Variants in ACTN1 observed in about 807,000 individuals in gnomAD.
ACTN1 encodes the protein actinin alpha 1, also known as alpha-actinin-1.
A neutral mutation model predicts 119.6 loss-of-function variants in ACTN1; 30 were observed. The observed-to-expected ratio is 0.25, with a 90% CI of 0.19 to 0.34. The LOEUF is 0.34. Ranked by LOEUF, ACTN1 falls within the 10% of genes least tolerant of loss-of-function variation. ACTN1 has a pLI of 1.00. For missense variants in ACTN1, 764 were observed against 1,223.4 expected (o/e 0.62, Z 5.60); for synonymous variants, 429 against 472.6 (o/e 0.91, Z 1.20).
intron 1 of ACTN1, among the ~76,000 whole-genome samples, chr14:68,943,641 G>C (rs1029649543): frequency 1.3e-5 from 2 of 152,196 alleles, no homozygotes; most frequent in African/African-American, 4.8e-5. Flanking sequence ...GAGGGAAGGA[G>C]AGGGAATCAT....
intron 8 of ACTN1, among the ~76,000 whole-genome samples, chr14:68,900,011 G>A (rs1157621573): frequency 6.6e-6 from 1 of 152,102 alleles, no homozygotes; most frequent in Non-Finnish European, 1.5e-5. Context: ...AAGGCCAGAG[G>A]AGGGGCTGAG....
At position 68,874,386 on chromosome 14, in the gene ACTN1, C is replaced by T. The variant is rs1014469998; in HGVS notation, c.*473G>A. On this transcript the variant is annotated 3_prime_UTR_variant, in exon 22 of 22. Transcript: ENST00000394419. Reference sequence around the variant, plus strand: ...ACAAGTGAGCTAGCAAACACACATGCACCAATGTGCCTTTTGACAAGAGTA... The same window carrying T: ...ACAAGTGAGCTAGCAAACACACATGTACCAATGTGCCTTTTGACAAGAGTA... 6.5e-6 allele frequency: 1 copy of T among 153,088 alleles called. No homozygotes were observed. Among genetic ancestry groups the T allele is most frequent in the African/African-American group, 2.4e-5 (1 of 41,404 alleles). 9.5% of individuals were successfully genotyped at this position (153,088 alleles called of 1,614,324 possible).
intron 7 of ACTN1, 56 bp downstream of exon 7, chr14:68,904,599 C>T (rs2033551822): frequency 2.6e-6 from 4 of 1,543,740 alleles, no homozygotes; most frequent in Non-Finnish European, 3.6e-6. Flanking sequence ...CCCTTCTTAG[C>T]CGCTGAGTGG....
At chr14:68,907,477 T>C (rs1310660645) in intron 6 of ACTN1, among the ~76,000 whole-genome samples, 1 of 151,348 alleles carries the variant, frequency 6.6e-6, no homozygotes, top group African/African-American at 2.4e-5. Context: ...GGCAGGAGAA[T>C]TGCCTGAACC....
intron 10 of ACTN1, 106 bp from the exon 11 acceptor site, chr14:68,890,392 T>C (rs2032386678): frequency 7.6e-7 from 1 of 1,319,150 alleles, no homozygotes; most frequent in Non-Finnish European, 1.0e-6. Context: ...AGGAAGAGCC[T>C]CTTCCCTATC....
intron 8 of ACTN1, among the ~76,000 whole-genome samples, chr14:68,902,061 A>T (rs2033377929): frequency 6.6e-6 from 1 of 152,208 alleles, no homozygotes; most frequent in African/African-American, 2.4e-5. Flanking sequence ...TGAAGACTGG[A>T]GGTGTCTCCC....
chr14:68,923,860 C>T (rs75317877), intron 2 of ACTN1, among the ~76,000 whole-genome samples: 1,920 of 152,060 alleles, frequency 0.013, 36 homozygotes, highest in African/African-American at 0.044. Context: ...AAGTGACCAC[C>T]GACAGGTGAA....
At chr14:68,960,364 C>A (rs1279297068) in intron 1 of ACTN1, among the ~76,000 whole-genome samples, 1 of 152,156 alleles carries the variant, frequency 6.6e-6, no homozygotes, top group Non-Finnish European at 1.5e-5. Context: ...TACATACATA[C>A]AAACAATGAC....
At chr14:68,955,424 C>T (rs143302268) in intron 1 of ACTN1, among the ~76,000 whole-genome samples, 9 of 152,274 alleles carry the variant, frequency 5.9e-5, no homozygotes, top group South Asian at 2.1e-4. Context: ...TACTGTCACG[C>T]GGTTTGAAAG....
At position 68,879,074 on chromosome 14, in the gene ACTN1, G is replaced by T. The variant is rs1477519139; in HGVS notation, c.2281-5C>A. 2 of 1,604,870 alleles carry T rather than the reference G, an allele frequency of 1.2e-6. No individual in the cohort carries two copies. Among genetic ancestry groups the T allele is most frequent in the Non-Finnish European group, 1.7e-6 (2 of 1,174,408 alleles). On this transcript the variant is annotated splice_polypyrimidine_tract_variant and splice_region_variant and intron_variant, in intron 18 of 21. Transcript: ENST00000394419. The surrounding 1 kb of genome is among the most constrained non-coding windows in gnomAD (Gnocchi z 4.9). ...ACCCAGTGTGCCGGAGTGATCCTGGGGCCGCGGTGCGCCAGGCAGCGAGCC... is the reference window on the plus strand; with the variant it reads ...ACCCAGTGTGCCGGAGTGATCCTGGTGCCGCGGTGCGCCAGGCAGCGAGCC...
At chr14:68,964,494 C>G (rs1204513483) in intron 1 of ACTN1, among the ~76,000 whole-genome samples, 1 of 152,120 alleles carries the variant, frequency 6.6e-6, no homozygotes, top group African/African-American at 2.4e-5. Context: ...CTTCTCCAGT[C>G]AGGGCTGACA....
At chr14:68,912,127 TGGC>T in intron 4 of ACTN1, 26 bp downstream of exon 4, 2 of 1,608,020 alleles carry the variant, frequency 1.2e-6, no homozygotes, top group South Asian at 2.2e-5. Flanking sequence ...GAGATGGTGA[TGGC>T]GGGATGGAAC....
intron 8 of ACTN1, among the ~76,000 whole-genome samples, chr14:68,901,811 T>C (rs2033358634): frequency 6.6e-6 from 1 of 152,296 alleles, no homozygotes; most frequent in Admixed American, 6.5e-5. Flanking sequence ...ATCTCAGGCC[T>C]CCCGGAGCAA....
chr14:68,979,092 T>G lies in ACTN1; in HGVS notation c.-36A>C. 7.4e-7 allele frequency: 1 copy of G among 1,349,926 alleles called. No individual in the cohort carries two copies. Among genetic ancestry groups the G allele is most frequent in the Non-Finnish European group, 1.0e-6 (1 of 985,546 alleles). The allele number at this position is 1,349,926 out of a possible 1,614,324, so 83.6% of individuals were successfully genotyped here. Reference sequence around the variant, plus strand: ...GCGTGCTAGGGTCTGGATTTCTTCCTCCACCTTCTCTCTGAGCAACGGCTG... The same window carrying G: ...GCGTGCTAGGGTCTGGATTTCTTCCGCCACCTTCTCTCTGAGCAACGGCTG... On this transcript the variant is annotated 5_prime_UTR_variant, in exon 1 of 22. Coordinates refer to ENST00000394419, the MANE Select transcript of ACTN1 (RefSeq NM_001130004.2).
rs1310765659 is a variant in ACTN1, at chr14:68,878,712, A to G, written c.2362-189T>C. On this transcript the variant is annotated intron_variant, in intron 19 of 21. Transcript: ENST00000394419. This position sits in a 1 kb window ranked among gnomAD's most constrained non-coding sequence, Gnocchi z 4.4. ...CACATCGGTGGAAATGTCCAAAGACAGGAGGAAGACAGAGCAGGGAGATGC... is the reference window on the plus strand; with the variant it reads ...CACATCGGTGGAAATGTCCAAAGACGGGAGGAAGACAGAGCAGGGAGATGC... The G allele has an allele frequency of 6.5e-7, 1 of 1,537,096 alleles. No homozygotes were observed. Among genetic ancestry groups the G allele is most frequent in the African/African-American group, 1.4e-5 (1 of 73,160 alleles).
At chr14:68,963,090 C>T (rs897294770) in intron 1 of ACTN1, among the ~76,000 whole-genome samples, 1 of 152,112 alleles carries the variant, frequency 6.6e-6, no homozygotes, top group Non-Finnish European at 1.5e-5. Flanking sequence ...CCTTTGGTTA[C>T]ACCCTTTGCA....
In ACTN1 at chr14:68,909,403, G is replaced by A. The variant is rs201955906; in HGVS notation, c.516-7C>T. On this transcript the variant is annotated splice_region_variant and splice_polypyrimidine_tract_variant and intron_variant, in intron 5 of 21. Transcript: ENST00000394419. This position sits in a 1 kb window ranked among gnomAD's most constrained non-coding sequence, Gnocchi z 4.1. ...GCCGAGGCCATCCTTCCAGCTGCCC[G>A]GGGAGAGAGAAGAAGGAGCAGGCTG... 4.6e-5 allele frequency: 74 copies of A among 1,613,606 alleles called. No individual in the cohort carries two copies. The highest frequency in any genetic ancestry group is 3.3e-4 in the Middle Eastern group (2 of 6,084).
At chr14:68,893,877 T>C (rs755345271) in intron 8 of ACTN1, 130 bp from the exon 9 acceptor site, 2 of 782,164 alleles carry the variant, frequency 2.6e-6, no homozygotes, top group Non-Finnish European at 4.1e-6. Context: ...AAGAAGGCTG[T>C]GAGGTCACAT....
chr14:68,962,699 T>C (rs978749631), intron 1 of ACTN1, among the ~76,000 whole-genome samples: 2 of 152,216 alleles, frequency 1.3e-5, no homozygotes, highest in African/African-American at 4.8e-5. Context: ...GTCCTACTTC[T>C]CCCCATTGGG....
Sources: gnomAD v4.1 joint callset for allele counts (sites outside exome capture counted in the v4.1 genomes callset) on GRCh38, gnomAD v4.1.1 for gene constraint, Gnocchi (gnomAD v3.1) non-coding constraint, MANE v1.5 for transcripts, NCBI Gene and HGNC (gene_info 2026-07-23, HGNC 2026-07-21) for gene names.